Variants in ATRNL1 observed in about 807,000 individuals in gnomAD.
ATRNL1 encodes the protein attractin-like protein 1.
In ATRNL1, 95 loss-of-function variants were observed where a neutral mutation model predicts 182.7. The ratio of observed to expected loss-of-function variants is 0.52; its 90% confidence interval spans 0.44 to 0.62. The LOEUF (loss-of-function observed/expected upper bound fraction) is 0.62. Among genes scored for constraint, ATRNL1 ranks in the 20% least tolerant of loss-of-function variants. The probability of loss-of-function intolerance (pLI) is 0.00; values close to 1 mark genes in which losing one functional copy is unlikely to be tolerated. For synonymous variants in ATRNL1, 576 were observed against 568.3 expected (o/e 1.01, Z -0.19); for missense variants, 1,471 against 1,679.5 (o/e 0.88, Z 2.17).
At chr10:115,852,415 A>G (rs978304915) in intron 28 of ATRNL1, among the ~76,000 whole-genome samples, 1 of 152,218 alleles carries the variant, frequency 6.6e-6, no homozygotes, top group Admixed American at 6.5e-5. Context: ...AATGATAACA[A>G]TAAGATAACT....
intron 3 of ATRNL1, among the ~76,000 whole-genome samples, chr10:115,123,488 G>A (rs1273935594): frequency 1.3e-5 from 2 of 152,114 alleles, no homozygotes; most frequent in Admixed American, 6.5e-5. Flanking sequence ...TACTTCAATT[G>A]TATAAATATT....
chr10:115,198,937 G>T (rs1848455533), intron 8 of ATRNL1, among the ~76,000 whole-genome samples: 1 of 152,096 alleles, frequency 6.6e-6, no homozygotes, highest in East Asian at 1.9e-4. Flanking sequence ...CAACTAATGG[G>T]AGGCCTCTGG....
chr10:115,332,607 A>G (rs71484984), intron 18 of ATRNL1, among the ~76,000 whole-genome samples: 11,696 of 152,276 alleles, frequency 0.077, 600 homozygotes, highest in Non-Finnish European at 0.12. Flanking sequence ...AAAGAGGATG[A>G]TGAGCATTTT....
At chr10:115,353,700 C>T (rs1856374060) in intron 19 of ATRNL1, among the ~76,000 whole-genome samples, 1 of 151,902 alleles carries the variant, frequency 6.6e-6, no homozygotes. Context: ...TGTTTTAATT[C>T]CTTGCTTTTT....
chr10:115,199,250 A>G (rs1041711505), intron 8 of ATRNL1, among the ~76,000 whole-genome samples: 14 of 151,444 alleles, frequency 9.2e-5, no homozygotes, highest in Admixed American at 8.6e-4. Context: ...TATTTCAAGT[A>G]TTTTCAGTTT....
At chr10:115,879,417 C>G (rs1451049712) in intron 28 of ATRNL1, among the ~76,000 whole-genome samples, 1 of 151,864 alleles carries the variant, frequency 6.6e-6, no homozygotes, top group African/African-American at 2.4e-5. Flanking sequence ...TGAACCCAGA[C>G]AGTCCAGCTG....
chr10:115,462,230 A>G (rs1847839429), intron 22 of ATRNL1, among the ~76,000 whole-genome samples, 195 bp downstream of exon 22: 1 of 152,174 alleles, frequency 6.6e-6, no homozygotes, highest in Non-Finnish European at 1.5e-5. Flanking sequence ...AAATAGCCCT[A>G]TATTTTAAAT....
intron 19 of ATRNL1, among the ~76,000 whole-genome samples, chr10:115,384,007 G>A (rs1363116425): frequency 1.3e-5 from 2 of 151,774 alleles, no homozygotes; most frequent in Non-Finnish European, 2.9e-5. Flanking sequence ...ATATTATTTT[G>A]CGTTTATAAA....
intron 13 of ATRNL1, among the ~76,000 whole-genome samples, chr10:115,274,436 G>C (rs1564871875): frequency 6.6e-6 from 1 of 152,098 alleles, no homozygotes; most frequent in Non-Finnish European, 1.5e-5. Context: ...CCTTTGAAAG[G>C]GATATCTTGA....
intron 14 of ATRNL1, 74 bp from the exon 15 acceptor site, chr10:115,286,142 G>A (rs1317425580): frequency 1.5e-5 from 10 of 688,212 alleles, no homozygotes; most frequent in African/African-American, 3.7e-5. Flanking sequence ...AAATACAGAA[G>A]TACTTTGAAA....
At chr10:115,636,419 A>G (rs1477243113) in intron 26 of ATRNL1, among the ~76,000 whole-genome samples, 1 of 152,206 alleles carries the variant, frequency 6.6e-6, no homozygotes, top group East Asian at 1.9e-4. Flanking sequence ...AGAGGCACCA[A>G]ATGTACTGTA....
intron 26 of ATRNL1, among the ~76,000 whole-genome samples, chr10:115,713,711 T>TCTATCTATCATCTATCTAG (rs1565310943): frequency 7.7e-5 from 11 of 142,390 alleles, no homozygotes; most frequent in African/African-American, 3.0e-4. Flanking sequence ...CTATCATCTA[T>TCTATCTATCATCTATCTAG]CTATCTATCT....
chr10:115,379,595 T>C (rs1857874782), intron 19 of ATRNL1, among the ~76,000 whole-genome samples: 1 of 152,228 alleles, frequency 6.6e-6, no homozygotes, highest in African/African-American at 2.4e-5. Flanking sequence ...TATGAAACTT[T>C]GCAGATTAAT....
At chr10:115,924,514 C>T (rs1953161071) in intron 28 of ATRNL1, among the ~76,000 whole-genome samples, 1 of 152,008 alleles carries the variant, frequency 6.6e-6, no homozygotes, top group Non-Finnish European at 1.5e-5. Context: ...AGAGCCTTTC[C>T]CCATTGCCTG....
chr10:115,165,470 T>C lies in ATRNL1; in HGVS notation c.1005-88T>C, dbSNP rs1489245237. On this transcript the variant is annotated intron_variant, in intron 6 of 28. Transcript: ENST00000355044. ...ACTCTTTTTGAATTTAATGAATACT[T>C]GGACACAAGTGAATAAAAAGCACGT... The C allele has an allele frequency of 1.4e-5, 8 of 582,654 alleles. No individual in the cohort carries two copies. The African/African-American group carries it at 1.5e-4, about 11-fold the overall frequency. 36.1% of individuals were successfully genotyped at this position (582,654 alleles called of 1,614,324 possible).
At chr10:115,284,757 A>G (rs1554918120) in intron 14 of ATRNL1, among the ~76,000 whole-genome samples, 1 of 152,200 alleles carries the variant, frequency 6.6e-6, no homozygotes, top group Non-Finnish European at 1.5e-5. Flanking sequence ...AATGTAGAAG[A>G]AGGTATGAGA....
At chr10:115,316,262 T>G (rs1220918213) in intron 18 of ATRNL1, among the ~76,000 whole-genome samples, 2 of 152,198 alleles carry the variant, frequency 1.3e-5, no homozygotes, top group Admixed American at 1.3e-4. Context: ...TCCAGCTTCA[T>G]CCATGTCCCT....
chr10:115,287,816 G>C (rs1039247975), intron 15 of ATRNL1, among the ~76,000 whole-genome samples: 1 of 151,792 alleles, frequency 6.6e-6, no homozygotes, highest in Admixed American at 6.6e-5. Context: ...ATCTTATCGA[G>C]CTGTAATTTT....
chr10:115,664,555 A>G (rs1026329491), intron 26 of ATRNL1, among the ~76,000 whole-genome samples: 1 of 152,162 alleles, frequency 6.6e-6, no homozygotes, highest in Admixed American at 6.6e-5. Context: ...CCACTTTGAA[A>G]CAATTAAATG....
Sources: gnomAD v4.1 joint callset for allele counts (sites outside exome capture counted in the v4.1 genomes callset) on GRCh38, gnomAD v4.1.1 for gene constraint, MANE v1.5 for transcripts, NCBI Gene and HGNC (gene_info 2026-07-23, HGNC 2026-07-21) for gene names.